The following MSH6 variants were observed in gnomAD, a reference collection of about 807,000 sequenced individuals.
The protein encoded by MSH6 is DNA mismatch repair protein Msh6.
Under a neutral mutation model 119.1 loss-of-function variants are expected in MSH6, and 85 were observed. The observed-to-expected ratio is 0.71, with a 90% CI of 0.60 to 0.85. MSH6 has a LOEUF of 0.85. Ranked by LOEUF, MSH6 falls within the 40% of genes least tolerant of loss-of-function variation. The pLI is 0.00. For missense variants in MSH6, 2,163 were observed against 1,655.3 expected, an observed-to-expected ratio of 1.31 and a Z score of -5.32; for synonymous variants, 830 against 586.9, an observed-to-expected ratio of 1.41 and a Z score of -5.99.
chr2:47,802,909 G>C (rs1293127446), intron 4 of MSH6, among the ~76,000 whole-genome samples: 1 of 151,994 alleles, frequency 6.6e-6, no homozygotes, highest in Non-Finnish European at 1.5e-5. Context: ...CTGCTGTTTT[G>C]TGTTTGTTTT....
chr2:47,809,539 C>T, downstream of MSH6: 3 of 1,237,348 alleles, frequency 2.4e-6, no homozygotes, highest in Non-Finnish European at 3.5e-6. Flanking sequence ...TATAAAACGG[C>T]TTCTGATTAT....
At chr2:47,804,749 C>A (rs1191073177) in intron 5 of MSH6, among the ~76,000 whole-genome samples, 161 bp from the exon 6 acceptor site, 1 of 152,200 alleles carries the variant, frequency 6.6e-6, no homozygotes, top group Non-Finnish European at 1.5e-5. Flanking sequence ...CCTCAACTTT[C>A]TCCATGTTAG....
chr2:47,796,655 T>C (rs1285264419), intron 3 of MSH6, among the ~76,000 whole-genome samples: 5 of 152,196 alleles, frequency 3.3e-5, no homozygotes. Flanking sequence ...TGGTCATGGA[T>C]AAAGTGAATT....
downstream of MSH6, chr2:47,809,423 ATT>A: frequency 1.5e-6 from 1 of 687,948 alleles, no homozygotes; most frequent in Non-Finnish European, 2.4e-6. Context: ...TAAGAATAGA[ATT>A]TTCCTTGTAT....
At position 47,806,541 on chromosome 2, in the gene MSH6, C is replaced by G. The variant is rs1558393726; in HGVS notation, c.3891C>G (p.Ser1297Arg). 6.2e-7 allele frequency: 1 copy of G among 1,613,804 alleles called. No homozygotes were observed. Among genetic ancestry groups the G allele is most frequent in the South Asian group, 1.1e-5 (1 of 91,066 alleles). The change falls in exon 9 of 10, where the codon AGC becomes AGG. Residue 1297 changes from serine to arginine, a missense_variant. Transcript: ENST00000234420. ...YKFIKGACPK[S>R]YGFNAARLAN... ...TCATTAAGGGAGCTTGTCCTAAAAGCTATGGCTTTAATGCAGCAAGGCTTG... is the reference window on the plus strand; with the variant it reads ...TCATTAAGGGAGCTTGTCCTAAAAGGTATGGCTTTAATGCAGCAAGGCTTG...
downstream of MSH6, chr2:47,809,138 CAAAT>C (rs1255287001): frequency 3.5e-6 from 5 of 1,428,466 alleles, no homozygotes; most frequent in African/African-American, 7.2e-5. Context: ...TTTCAGGACT[CAAAT>C]ATATTTCTAA....
chr2:47,809,047 CAGTT>C (rs892614307), downstream of MSH6: 5 of 619,958 alleles, frequency 8.1e-6, no homozygotes, highest in African/African-American at 3.8e-5. Flanking sequence ...ATAAAATTTT[CAGTT>C]AGTTATAGTC....
At chr2:47,795,531 T>C (rs1257662197) in intron 2 of MSH6, among the ~76,000 whole-genome samples, 1 of 149,568 alleles carries the variant, frequency 6.7e-6, no homozygotes, top group Non-Finnish European at 1.5e-5. Context: ...AGTGGTGCAA[T>C]CTCGGCTCAC....
At position 47,800,924 on chromosome 2, in the gene MSH6, A is replaced by AT. The variant is rs2104432135; in HGVS notation, c.2943dup (p.Pro982SerfsTer2). 1 of 1,578,602 alleles carries AT rather than the reference A, an allele frequency of 6.3e-7. No individual in the cohort carries two copies. The highest frequency in any genetic ancestry group is 8.6e-7 in the Non-Finnish European group (1 of 1,164,128). On this transcript the variant is annotated frameshift_variant, in exon 4 of 10. Coordinates refer to ENST00000234420, the MANE Select transcript of MSH6 (RefSeq NM_000179.3). LOFTEE classifies it high-confidence loss of function. ...TGGTAGGAACCGTTACCAGCTGGAA[A>AT]TTCCTGAGAATTTCACCACTCGCAA...
Position 47,783,286 on chromosome 2 carries a change from G to C in MSH6, c.53G>C (p.Ser18Thr), listed in dbSNP as rs765459817. Residue 18 changes from serine to threonine, a missense_variant, in exon 1 of 10, where the codon AGT becomes ACT. Coordinates refer to ENST00000234420, the MANE Select transcript of MSH6 (RefSeq NM_000179.3). The stretch of plus-strand genomic sequence containing the variant: ...TTCTTCCCCAAGTCTCCGGCGCTGA[G>C]TGATGCCAACAAGGCCTCGGCCAGG... ...YSFFPKSPAL[S>T]DANKASARAS... is the part of the protein sequence containing the mutation. 3 of 1,612,248 alleles carry C rather than the reference G, an allele frequency of 1.9e-6. No individual in the cohort carries two copies. The South Asian group carries it at 3.3e-5, about 18-fold the overall frequency.
At chr2:47,809,181 G>C (rs775652728), downstream of MSH6, 1 of 1,594,504 alleles carries the variant, frequency 6.3e-7, no homozygotes, top group Admixed American at 1.7e-5. Context: ...GCATGGGATA[G>C]CTGGTATAAC....
rs1572708612 is a variant in MSH6 at position 47,790,971 on chromosome 2, G to T, written c.305G>T (p.Gly102Val). Residue 102 changes from glycine (G) to valine (V), a missense_variant, in exon 2 of 10, where the codon GGT becomes GTT. Transcript: ENST00000234420. ...PGDLVWAKME[G>V]YPWWPCLVYN... ...GATTTGGTTTGGGCCAAGATGGAGG[G>T]TTACCCCTGGTGGCCTTGTCTGGTT... The T allele has an allele frequency of 2.5e-6, 4 of 1,614,222 alleles. No homozygotes were observed. The highest frequency in any genetic ancestry group is 2.2e-5 in the East Asian group (1 of 44,882).
intron 1 of MSH6, among the ~76,000 whole-genome samples, chr2:47,788,590 G>T (rs1451301928): frequency 5.8e-5 from 7 of 121,716 alleles, no homozygotes; most frequent in African/African-American, 1.9e-4. Context: ...TTTTTTTTGA[G>T]ACGGAGTCTT....
rs587779922 is a variant in MSH6 at position 47,800,154 on chromosome 2, C to T, written c.2171C>T (p.Ala724Val). ...SDTVSTTRSG[A>V]IFTKAYQRMV... The stretch of plus-strand genomic sequence containing the variant: ...ACAGTCAGCACTACAAGATCTGGTG[C>T]TATCTTCACCAAAGCCTATCAACGA... The change falls in exon 4 of 10, where the codon GCT becomes GTT. Residue 724 changes from alanine to valine, a missense_variant. Transcript: ENST00000234420. 1.2e-6 allele frequency: 2 copies of T among 1,614,166 alleles called. No homozygotes were observed. Among genetic ancestry groups the T allele is most frequent in the South Asian group, 2.2e-5 (2 of 91,072 alleles).
chr2:47,793,357 C>T (rs1423545687), intron 2 of MSH6, among the ~76,000 whole-genome samples: 8 of 136,036 alleles, frequency 5.9e-5, no homozygotes, highest in East Asian at 2.1e-4. Context: ...AGGCTGGGCA[C>T]GGTGGCTCGC....
rs1272141649 is a variant in MSH6, at chr2:47,801,891, C to T, written c.3172+736C>T. 7.2e-5 allele frequency among the ~76,000 whole-genome samples: 11 copies of T among 152,110 alleles called. 1 individual carries two copies. Among genetic ancestry groups the T allele is most frequent in the East Asian group, 1.9e-4 (1 of 5,184 alleles). On this transcript the variant is annotated intron_variant, in intron 4 of 9. Transcript: ENST00000234420. ...CTTGAACTCCTGGCCTCAAGTGATC[C>T]TCCAGTCTCCCAAAAGTGCTGGGAT...
At position 47,800,160 on chromosome 2, in the gene MSH6, T is replaced by C. The variant is rs574358605; in HGVS notation, c.2177T>C (p.Phe726Ser). 1 of 1,614,104 alleles carries C rather than the reference T, an allele frequency of 6.2e-7. No homozygotes were observed. The highest frequency in any genetic ancestry group is 2.2e-5 in the East Asian group (1 of 44,900). ...TVSTTRSGAI[F>S]TKAYQRMVLD... is the part of the protein sequence containing the mutation. ...AGCACTACAAGATCTGGTGCTATCT[T>C]CACCAAAGCCTATCAACGAATGGTG... Residue 726 changes from phenylalanine to serine, a missense_variant, in exon 4 of 10, where the codon TTC (phenylalanine) becomes TCC (serine). By Grantham distance (155) the Phe-to-Ser change is radical. Transcript: ENST00000234420.
chr2:47,806,702 A>AGTGAGAAGAT (rs777930591), intron 9 of MSH6, 51 bp downstream of exon 9: 2 of 1,587,832 alleles, frequency 1.3e-6, no homozygotes, highest in Non-Finnish European at 1.7e-6. Context: ...TAAGTTTCAA[A>AGTGAGAAGAT]GAAACAGTAA....
chr2:47,784,501 A>C (rs1668226124), intron 1 of MSH6: 1 of 152,568 alleles, frequency 6.6e-6, no homozygotes, highest in East Asian at 1.9e-4. Flanking sequence ...GTTTCGCTCA[A>C]GTCCAGGCTG....
Sources: allele counts gnomAD v4.1 joint callset (sites outside exome capture counted in the v4.1 genomes callset), GRCh38; gene constraint gnomAD v4.1.1; transcripts MANE v1.5; gene names NCBI Gene and HGNC (gene_info 2026-07-23, HGNC 2026-07-21).